The following CASK variants were observed in gnomAD, a reference collection of about 807,000 sequenced individuals.
The protein encoded by CASK is peripheral plasma membrane protein CASK.
Under a neutral mutation model 82.9 loss-of-function variants are expected in CASK, and 4 were observed. The observed-to-expected ratio is 0.05, with a 90% CI of 0.02 to 0.11. CASK has a LOEUF of 0.11. Ranked by LOEUF, CASK falls within the 10% of genes least tolerant of loss-of-function variation. CASK has a pLI of 1.00. For synonymous variants in CASK, 259 were observed against 253.5 expected (o/e 1.02, Z -0.20); for missense variants, 358 against 720.9 (o/e 0.50, Z 5.76).
chrX:41,763,519 C>T (rs962168976), intron 3 of CASK, among the ~76,000 whole-genome samples: 8 of 110,159 alleles, frequency 7.3e-5, no homozygotes, highest in Admixed American at 1.9e-4. Context: ...AAAAATTATC[C>T]GCGTGTGGTA....
intron 2 of CASK, among the ~76,000 whole-genome samples, chrX:41,846,234 A>G (rs1016337632): frequency 8.9e-6 from 1 of 111,859 alleles, no homozygotes; most frequent in Admixed American, 9.5e-5. Context: ...ATGGGGTACT[A>G]TTCAGTCATA....
intron 8 of CASK, among the ~76,000 whole-genome samples, chrX:41,638,542 T>A: frequency 9.0e-6 from 1 of 111,269 alleles, no homozygotes; most frequent in Non-Finnish European, 1.9e-5. Context: ...TGACCCCATT[T>A]CTAAAAAACA....
chrX:41,864,665 T>C (rs773447141), intron 1 of CASK, among the ~76,000 whole-genome samples: 10 of 112,353 alleles, frequency 8.9e-5, no homozygotes, highest in Middle Eastern at 4.6e-3. Flanking sequence ...GTCAATTAAA[T>C]TCTTATGGGG....
intron 2 of CASK, among the ~76,000 whole-genome samples, chrX:41,814,034 C>T (rs1239105401): frequency 1.8e-5 from 2 of 112,044 alleles, no homozygotes; most frequent in African/African-American, 6.5e-5. Context: ...AAATCAAAAC[C>T]ACAATGAGAT....
chrX:41,556,762 A>G (rs775222904), intron 19 of CASK, among the ~76,000 whole-genome samples: 28 of 112,684 alleles, frequency 2.5e-4, no homozygotes, highest in African/African-American at 7.7e-4. Context: ...GAGCAAAGTC[A>G]TACATACAAA....
At chrX:41,678,879 T>C (rs1272426193) in intron 5 of CASK, among the ~76,000 whole-genome samples, 1 of 109,561 alleles carries the variant, frequency 9.1e-6, no homozygotes, top group African/African-American at 3.3e-5. Context: ...TTAGCACACA[T>C]ATCATTGAAA....
intron 1 of CASK, among the ~76,000 whole-genome samples, chrX:41,912,300 G>GTTTTT (rs774775542): frequency 1.1e-4 from 6 of 53,172 alleles, no homozygotes; most frequent in Non-Finnish European, 1.7e-4. Flanking sequence ...TTTGTTTTCT[G>GTTTTT]TTTTTTTTTT....
At chrX:41,731,190 T>TG (rs905402174) in intron 5 of CASK, among the ~76,000 whole-genome samples, 2 of 112,250 alleles carry the variant, frequency 1.8e-5, no homozygotes, top group Non-Finnish European at 3.8e-5. Flanking sequence ...GGGGCTGAAG[T>TG]GGGGGGATCA....
At chrX:41,879,097 T>C (rs781281903) in intron 1 of CASK, among the ~76,000 whole-genome samples, 1 of 111,665 alleles carries the variant, frequency 9.0e-6, no homozygotes, top group African/African-American at 3.2e-5. Context: ...AGGGAGATGA[T>C]GGAGAATTGG....
chrX:41,912,591 A>G (rs2072596246), intron 1 of CASK, among the ~76,000 whole-genome samples: 1 of 107,827 alleles, frequency 9.3e-6, no homozygotes, highest in Admixed American at 1.0e-4. Context: ...TACGGGCATA[A>G]GCCACTGCAC....
At position 41,770,313 on chromosome X, in the gene CASK, T is replaced by TATCCATCC. The variant is rs772189964; in HGVS notation, c.278+16857_278+16864dup. Among the ~76,000 whole-genome samples the TATCCATCC allele has an allele frequency of 9.5e-3, 912 of 95,876 alleles. 11 individuals are homozygous for TATCCATCC. The highest frequency in any genetic ancestry group is 0.045 in the Admixed American group (400 of 8,810). 83.3% of individuals were successfully genotyped at this position (95,876 alleles called of 115,157 possible). ...CTATCTATCTACCTACCTACCTACC[T>TATCCATCC]ATCCATCCATCCATCCATCCATCCA... On this transcript the variant is annotated intron_variant, in intron 3 of 26. Coordinates refer to ENST00000378163, the MANE Select transcript of CASK (RefSeq NM_001367721.1).
chrX:41,604,467 G>T (rs1181383071), intron 12 of CASK, among the ~76,000 whole-genome samples: 7 of 107,624 alleles, frequency 6.5e-5, no homozygotes, highest in Non-Finnish European at 1.9e-5. Context: ...GAATGACAAG[G>T]ATTGCAGGCA....
At chrX:41,781,104 C>T (rs1241394864) in intron 3 of CASK, among the ~76,000 whole-genome samples, 2 of 111,254 alleles carry the variant, frequency 1.8e-5, no homozygotes, top group Admixed American at 9.6e-5. Flanking sequence ...CCATGCTTGG[C>T]TAATTTTTAA....
At chrX:41,542,186 A>G (rs763800823) in intron 22 of CASK, among the ~76,000 whole-genome samples, 2 of 112,887 alleles carry the variant, frequency 1.8e-5, no homozygotes, top group East Asian at 5.6e-4. Context: ...AGAAATGGAC[A>G]AAACCAAGTT....
chrX:41,878,301 A>G (rs1318807228), intron 1 of CASK, among the ~76,000 whole-genome samples: 3 of 111,438 alleles, frequency 2.7e-5, no homozygotes, highest in Non-Finnish European at 5.7e-5. Flanking sequence ...AATGAGGAAG[A>G]TTACATAATT....
chrX:41,702,687 G>A (rs1021427810), intron 5 of CASK, among the ~76,000 whole-genome samples: 9 of 111,516 alleles, frequency 8.1e-5, no homozygotes, highest in Non-Finnish European at 1.5e-4. Flanking sequence ...CCAGCTACTC[G>A]GGAGGCTGAG....
intron 5 of CASK, among the ~76,000 whole-genome samples, chrX:41,708,096 G>A (rs943673063): frequency 1.1e-5 from 1 of 93,452 alleles, no homozygotes; most frequent in Non-Finnish European, 2.1e-5. Context: ...CCAGCCTGGC[G>A]ACAGAGCGAG....
chrX:41,583,117 C>T (rs776442468), intron 14 of CASK, among the ~76,000 whole-genome samples: 4 of 111,619 alleles, frequency 3.6e-5, no homozygotes, highest in South Asian at 3.8e-4. Context: ...CTTTTAAGCA[C>T]CTAGCTAGGT....
chrX:41,813,441 A>G (rs1239143135), intron 2 of CASK, among the ~76,000 whole-genome samples: 1 of 110,937 alleles, frequency 9.0e-6, no homozygotes, highest in African/African-American at 3.3e-5. Flanking sequence ...AATACCACAC[A>G]TCTACAACCA....
Sources: gnomAD v4.1 joint callset for allele counts (sites outside exome capture counted in the v4.1 genomes callset) on GRCh38, gnomAD v4.1.1 for gene constraint, MANE v1.5 for transcripts, NCBI Gene and HGNC (gene_info 2026-07-23, HGNC 2026-07-21) for gene names.